The following OR52N4 variants were observed in gnomAD, a reference collection of about 807,000 sequenced individuals.
OR52N4 encodes olfactory receptor 52N4.
Under a neutral mutation model 15.0 loss-of-function variants are expected in OR52N4, and 15 were observed. That is an observed-to-expected ratio of 1.00 (90% confidence interval 0.67 to 1.54). OR52N4 has a LOEUF of 1.54. OR52N4 is among the 40% of genes most tolerant of loss of function. The pLI, the probability that OR52N4 is intolerant of heterozygous loss-of-function variation, is 0.00. For missense variants in OR52N4, 421 were observed against 394.0 expected (o/e 1.07, Z -0.58); for synonymous variants, 143 against 143.7 (o/e 1.00, Z 0.03).
rs1370107580 is a variant in OR52N4, at chr11:5,754,722, A to G, written c.-19A>G. 4 of 1,577,070 alleles carry G rather than the reference A, an allele frequency of 2.5e-6. No homozygotes were observed. In the South Asian group the frequency reaches 3.5e-5, roughly 14 times the overall value. ...GCCCAGACAAATTTTGAGCTATTTC[A>G]TAACCTACCAGACTTATCATGCTAA... On this transcript the variant is annotated 5_prime_UTR_variant, in exon 2 of 2. Transcript: ENST00000641350.
At chr11:5,728,594 G>A in the OR52N4 span, among the ~76,000 whole-genome samples, 23 of 152,246 alleles carry the variant, frequency 1.5e-4, no homozygotes, top group Admixed American at 3.3e-4. Context: ...ATCCTACCCT[G>A]TTAGGTGGAG....
Position 5,755,225 on chromosome 11 carries a change from C to A in OR52N4, c.485C>A (p.Thr162Asn), listed in dbSNP as rs764640682. The A allele has an allele frequency of 6.2e-7, 1 of 1,613,880 alleles. No homozygotes were observed. The highest frequency in any genetic ancestry group is 1.3e-5 in the African/African-American group (1 of 74,908). ...GGGGTATTACTCATTATTCCCTTTA[C>A]TTTCCTCACCAAGCTCCTGCCCTAC... ...LRGVLLIIPFTFLTKLLPYCR... is the reference protein window; with the variant it reads ...LRGVLLIIPFNFLTKLLPYCR... Residue 162 changes from threonine to asparagine, a missense_variant, in exon 2 of 2, where the codon ACT (threonine) becomes AAT (asparagine). Physicochemically the swap from Thr to Asn is moderately conservative, Grantham distance 65. Transcript: ENST00000641350.
At chr11:5,737,523 C>A in the OR52N4 span, 2 of 1,571,328 alleles carry the variant, frequency 1.3e-6, no homozygotes, top group Non-Finnish European at 8.6e-7. Context: ...TGAACCTCAG[C>A]TTCTCCTAAA....
At chr11:5,751,951 A>C (rs1162546242), upstream of OR52N4, among the ~76,000 whole-genome samples, 1 of 152,126 alleles carries the variant, frequency 6.6e-6, no homozygotes, top group Non-Finnish European at 1.5e-5. Flanking sequence ...AGACCTCCTG[A>C]TGATGGTTCT....
upstream of OR52N4, among the ~76,000 whole-genome samples, chr11:5,752,249 T>A (rs1390459344): frequency 6.6e-6 from 1 of 152,184 alleles, no homozygotes; most frequent in African/African-American, 2.4e-5. Flanking sequence ...CATTTTGTAA[T>A]GACTTGAGTA....
Position 5,754,951 on chromosome 11 carries a change from A to G in OR52N4, c.211A>G (p.Thr71Ala). The part of the protein sequence containing the change: ...MYYFLAMLSF[T>A]DLVMCSSTIP... Reference sequence around the variant, plus strand: ...CTACTTCTTGGCCATGCTTTCCTTTACTGACCTTGTTATGTGCTCTAGTAC... The same window carrying G: ...CTACTTCTTGGCCATGCTTTCCTTTGCTGACCTTGTTATGTGCTCTAGTAC... The change falls in exon 2 of 2, where the codon ACT becomes GCT. Residue 71 changes from threonine (T) to alanine (A), a missense_variant. Transcript: ENST00000641350. 2 of 1,613,664 alleles carry G rather than the reference A, an allele frequency of 1.2e-6. No individual in the cohort carries two copies. Among genetic ancestry groups the G allele is most frequent in the East Asian group, 2.2e-5 (1 of 44,830 alleles).
rs1244572796 is a variant in OR52N4 at position 5,754,987 on chromosome 11, GC to G, written c.250del (p.Leu84SerfsTer59). 6.2e-7 allele frequency: 1 copy of G among 1,613,722 alleles called. No individual in the cohort carries two copies. The highest frequency in any genetic ancestry group is 8.5e-7 in the Non-Finnish European group (1 of 1,179,890). ...LVMCSSTIPK[A>X]LCIFWFHLKD... ...TATGTGCTCTAGTACAATCCCTAAA[GC>G]CCTCTGCATCTTCTGGTTTCATCTC... On this transcript the variant is annotated frameshift_variant, in exon 2 of 2. Transcript: ENST00000641350. LOFTEE classifies it high-confidence loss of function.
chr11:5,729,534 A>G, the OR52N4 span, among the ~76,000 whole-genome samples: 1 of 152,074 alleles, frequency 6.6e-6, no homozygotes, highest in African/African-American at 2.4e-5. Context: ...GAAACCTACA[A>G]CCCCAACTGT....
the OR52N4 span, among the ~76,000 whole-genome samples, chr11:5,747,372 T>C: frequency 6.6e-6 from 1 of 152,054 alleles, no homozygotes; most frequent in Non-Finnish European, 1.5e-5. Context: ...AAGAAATTTA[T>C]TGTACAGCAT....
the OR52N4 span, among the ~76,000 whole-genome samples, chr11:5,744,826 T>C: frequency 6.6e-6 from 1 of 152,122 alleles, no homozygotes; most frequent in Non-Finnish European, 1.5e-5. Flanking sequence ...GAGAGGAGGA[T>C]TGGAGGATCT....
At chr11:5,751,938 T>C (rs370109328), upstream of OR52N4, among the ~76,000 whole-genome samples, 35 of 152,236 alleles carry the variant, frequency 2.3e-4, 1 homozygote, top group African/African-American at 8.4e-4. Flanking sequence ...CAAAGGACAT[T>C]TGAGACCTCC....
rs1854258752 is a variant in OR52N4, at chr11:5,754,684, T to TTG, written c.-48-9_-48-8insTG. 1 of 1,487,846 alleles carries TTG rather than the reference T, an allele frequency of 6.7e-7. No individual in the cohort carries two copies. The highest frequency in any genetic ancestry group is 1.4e-5 in the African/African-American group (1 of 70,826). 92.2% of individuals were successfully genotyped at this position (1,487,846 alleles called of 1,614,324 possible). A position where few individuals can be genotyped will look rare whatever the true frequency, so the allele number is the denominator to read the frequency against. ...CTATATTTTCTCTTGTTTTTTTTTT[T>TTG]AACTCTAGGAAAGCCCAGACAAATT... On this transcript the variant is annotated splice_polypyrimidine_tract_variant and intron_variant, in intron 1 of 1. Coordinates refer to ENST00000641350, the MANE Select transcript of OR52N4 (RefSeq NM_001005175.5).
chr11:5,752,183 C>T (rs1422101288), upstream of OR52N4, among the ~76,000 whole-genome samples: 6 of 152,180 alleles, frequency 3.9e-5, no homozygotes, highest in Admixed American at 3.9e-4. Flanking sequence ...CTAGGAGCAT[C>T]TCCTGAGGCT....
chr11:5,737,258 A>G, the OR52N4 span: 7 of 1,614,158 alleles, frequency 4.3e-6, no homozygotes, highest in Non-Finnish European at 5.9e-6. Flanking sequence ...CAAGGCCCTG[A>G]GCACTTGTAG....
At chr11:5,741,618 G>A in the OR52N4 span, among the ~76,000 whole-genome samples, 1 of 152,192 alleles carries the variant, frequency 6.6e-6, no homozygotes, top group Admixed American at 6.5e-5. Flanking sequence ...ATGAGTGGGG[G>A]CACCAGTATT....
At chr11:5,748,321 T>C in the OR52N4 span, among the ~76,000 whole-genome samples, 1 of 151,944 alleles carries the variant, frequency 6.6e-6, no homozygotes, top group Non-Finnish European at 1.5e-5. Context: ...AATACCGTTA[T>C]GTTTTTTCAA....
In OR52N4 at chr11:5,754,895, AC is replaced by A; in HGVS notation, c.156del (p.Tyr53MetfsTer90). Reference protein sequence around the residue: ...VGNCGLLYLIHYEDALHKPMY... With the variant: ...VGNCGLLYLIXYEDALHKPMY... ...AATTGTGGACTCCTCTACCTCATTC[AC>A]TATGAGGATGCCCTGCACAAACCCA... On this transcript the variant is annotated frameshift_variant, in exon 2 of 2. Transcript: ENST00000641350. LOFTEE classifies it high-confidence loss of function. The A allele has an allele frequency of 6.2e-7, 1 of 1,613,576 alleles. No individual in the cohort carries two copies. The highest frequency in any genetic ancestry group is 1.1e-5 in the South Asian group (1 of 91,080).
intron 1 of OR52N4, 81 bp from the exon 2 acceptor site, chr11:5,754,612 T>G (rs1023435093): frequency 2.1e-6 from 2 of 965,052 alleles, no homozygotes; most frequent in Non-Finnish European, 3.0e-6. Flanking sequence ...TTAAAATGCA[T>G]TATGGAATTT....
chr11:5,750,046 G>C (rs186434285), upstream of OR52N4, among the ~76,000 whole-genome samples: 46 of 151,928 alleles, frequency 3.0e-4, no homozygotes, highest in African/African-American at 1.0e-3. Context: ...TGTTGTGTAA[G>C]CATAAAACCA....
Sources: gnomAD v4.1 joint callset for allele counts (sites outside exome capture counted in the v4.1 genomes callset) on GRCh38, gnomAD v4.1.1 for gene constraint, MANE v1.5 for transcripts, NCBI Gene and HGNC (gene_info 2026-07-23, HGNC 2026-07-21) for gene names.